RBM46: variants seen among roughly 807,000 people sequenced by gnomAD.
RBM46 encodes the protein RNA binding motif protein 46.
A neutral mutation model predicts 43.3 loss-of-function variants in RBM46; 12 were observed. The ratio of observed to expected loss-of-function variants is 0.28; its 90% CI spans 0.18 to 0.45. The LOEUF is 0.45. Among genes scored for constraint, RBM46 ranks in the 20% least tolerant of loss-of-function variants. The probability of loss-of-function intolerance (pLI) is 1.00; values close to 1 mark genes in which losing one functional copy is unlikely to be tolerated. For missense variants in RBM46, 412 were observed against 639.1 expected, an observed-to-expected ratio of 0.64 and a Z score of 3.83; for synonymous variants, 205 against 207.6, an observed-to-expected ratio of 0.99 and a Z score of 0.11.
chr4:154,794,550 C>T (rs1734257986), intron 1 of RBM46, among the ~76,000 whole-genome samples: 1 of 152,108 alleles, frequency 6.6e-6, no homozygotes, highest in South Asian at 2.1e-4. Context: ...GAACCTGTTA[C>T]TTGTATGCTC....
At position 154,828,053 on chromosome 4, in the gene RBM46, G is replaced by C; in HGVS notation, c.1588G>C (p.Ala530Pro). ...VGQRLCISNQ[A>P]SFF The stretch of plus-strand genomic sequence containing the variant: ...ACAGCGGCTATGTATCTCCAATCAG[G>C]CCTCCTTCTTCTGAAGAAAATACTA... The change falls in exon 5 of 5, where the codon GCC (alanine) becomes CCC (proline). Residue 530 changes from alanine to proline, a missense_variant. Transcript: ENST00000281722. 3.7e-6 allele frequency: 6 copies of C among 1,610,976 alleles called. No homozygotes were observed. The highest frequency in any genetic ancestry group is 5.1e-6 in the Non-Finnish European group (6 of 1,177,272).
At chr4:154,792,550 C>T (rs1456176201) in intron 1 of RBM46, among the ~76,000 whole-genome samples, 1 of 152,070 alleles carries the variant, frequency 6.6e-6, no homozygotes, top group Non-Finnish European at 1.5e-5. Context: ...AAGGCTAGAC[C>T]CTTTTCAATG....
chr4:154,828,049 T>G lies in RBM46; in HGVS notation c.1584T>G (p.Asn528Lys), dbSNP rs1294241265. 1.2e-6 allele frequency: 2 copies of G among 1,611,912 alleles called. No homozygotes were observed. Among genetic ancestry groups the G allele is most frequent in the Non-Finnish European group, 1.7e-6 (2 of 1,178,098 alleles). Reference protein sequence around the residue: ...SHVGQRLCISNQASFF With the variant: ...SHVGQRLCISKQASFF ...TTGGACAGCGGCTATGTATCTCCAA[T>G]CAGGCCTCCTTCTTCTGAAGAAAAT... The change falls in exon 5 of 5, where the codon AAT becomes AAG. Residue 528 changes from asparagine to lysine, a missense_variant. This residue lies in a region of RBM46 where 149 missense variants were observed against 156.3 expected (regional missense o/e 0.95). Transcript: ENST00000281722.
At chr4:154,804,888 T>G (rs1734837217) in intron 4 of RBM46, among the ~76,000 whole-genome samples, 1 of 150,654 alleles carries the variant, frequency 6.6e-6, no homozygotes, top group Non-Finnish European at 1.5e-5. Context: ...TTCCTAAGCA[T>G]TCTGGAGCTA....
chr4:154,823,864 G>A (rs1429020582), intron 4 of RBM46, among the ~76,000 whole-genome samples: 2 of 151,874 alleles, frequency 1.3e-5, no homozygotes, highest in African/African-American at 2.4e-5. Flanking sequence ...GTTGTCACTC[G>A]CTTTCCTGTT....
At chr4:154,826,200 G>A (rs1735953248) in intron 4 of RBM46, among the ~76,000 whole-genome samples, 1 of 151,288 alleles carries the variant, frequency 6.6e-6, no homozygotes, top group South Asian at 2.1e-4. Flanking sequence ...GCTCACACCT[G>A]TAATCCCGGC....
At chr4:154,809,983 C>G (rs564202570) in intron 4 of RBM46, among the ~76,000 whole-genome samples, 1 of 152,086 alleles carries the variant, frequency 6.6e-6, no homozygotes, top group Non-Finnish European at 1.5e-5. Context: ...CAGGGAATTA[C>G]TAACATTTAA....
At chr4:154,793,827 A>G (rs1293133876) in intron 1 of RBM46, among the ~76,000 whole-genome samples, 1 of 152,186 alleles carries the variant, frequency 6.6e-6, no homozygotes, top group Non-Finnish European at 1.5e-5. Flanking sequence ...ACTTTATAGG[A>G]GCACGGTCGA....
chr4:154,811,655 GTGTGTGTGTGTGTC>G (rs1410096440), intron 4 of RBM46, among the ~76,000 whole-genome samples: 131 of 134,870 alleles, frequency 9.7e-4, no homozygotes, highest in South Asian at 1.9e-3. Flanking sequence ...TAGGATATGT[GTGTGTGTGTGTGTC>G]TGTGTGTGTG....
intron 4 of RBM46, among the ~76,000 whole-genome samples, chr4:154,817,635 T>C (rs156575): frequency 0.58 from 87,889 of 151,938 alleles, 28,189 homozygotes; most frequent in African/African-American, 0.85. Context: ...CCTGGCCTTG[T>C]GTTCCATACA....
chr4:154,786,642 CAGT>C (rs1222369001), intron 1 of RBM46, among the ~76,000 whole-genome samples: 1 of 150,300 alleles, frequency 6.7e-6, no homozygotes, highest in Non-Finnish European at 1.5e-5. Flanking sequence ...AAAAAAAAAA[CAGT>C]AGGCCAGGTG....
intron 1 of RBM46, among the ~76,000 whole-genome samples, chr4:154,785,846 T>G (rs544324914): frequency 6.6e-6 from 1 of 152,292 alleles, no homozygotes; most frequent in African/African-American, 2.4e-5. Context: ...TAAGCAGGAC[T>G]CTTCACCGTA....
At chr4:154,796,993 C>G in intron 2 of RBM46, 90 bp downstream of exon 2, 2 of 1,099,260 alleles carry the variant, frequency 1.8e-6, no homozygotes, top group Non-Finnish European at 2.6e-6. Flanking sequence ...CAAACAATAG[C>G]TCTCTCCTTG....
chr4:154,790,246 C>G (rs1260400174), intron 1 of RBM46: 2 of 152,116 alleles, frequency 1.3e-5, no homozygotes, highest in Admixed American at 1.3e-4. Flanking sequence ...TTCTGTAGTT[C>G]TTTTAATTGT....
intron 4 of RBM46, among the ~76,000 whole-genome samples, chr4:154,808,493 CT>C (rs1321118439): frequency 6.6e-6 from 1 of 151,738 alleles, no homozygotes; most frequent in Non-Finnish European, 1.5e-5. Flanking sequence ...TTCCAGTCTG[CT>C]TGTTTACTGG....
At chr4:154,812,731 T>G (rs1735241130) in intron 4 of RBM46, among the ~76,000 whole-genome samples, 2 of 152,154 alleles carry the variant, frequency 1.3e-5, no homozygotes, top group Admixed American at 6.5e-5. Context: ...GAACTCCACA[T>G]TCTCCTGTTC....
intron 1 of RBM46, among the ~76,000 whole-genome samples, chr4:154,792,769 C>G (rs931699332): frequency 1.9e-4 from 29 of 152,084 alleles, no homozygotes; most frequent in African/African-American, 7.0e-4. Context: ...TATATGAGCA[C>G]CTGGCATATT....
chr4:154,792,269 T>G (rs916864546), intron 1 of RBM46, among the ~76,000 whole-genome samples: 1 of 152,194 alleles, frequency 6.6e-6, no homozygotes, highest in Admixed American at 6.5e-5. Context: ...AATGAGATAA[T>G]GTATATAAAG....
At chr4:154,786,199 G>T (rs1733756059) in intron 1 of RBM46, among the ~76,000 whole-genome samples, 3 of 152,098 alleles carry the variant, frequency 2.0e-5, no homozygotes, top group East Asian at 1.9e-4. Flanking sequence ...CAATTCCCCA[G>T]CTTCAGCCTC....
Sources: gnomAD v4.1 joint callset for allele counts (sites outside exome capture counted in the v4.1 genomes callset) on GRCh38, gnomAD v4.1.1 for gene constraint, gnomAD v4.1.1 regional missense constraint, MANE v1.5 for transcripts, NCBI Gene and HGNC (gene_info 2026-07-23, HGNC 2026-07-21) for gene names.